DDX60: variants seen among roughly 807,000 people sequenced by gnomAD.
DDX60 encodes probable ATP-dependent RNA helicase DDX60.
DDX60 carries 165 observed loss-of-function variants against 212.8 expected under a neutral mutation model. The ratio of observed to expected loss-of-function variants is 0.78; its 90% CI spans 0.68 to 0.88. DDX60 has a LOEUF of 0.88. DDX60 is among the 40% of genes least tolerant of loss of function. DDX60 has a pLI of 0.00. For missense variants in DDX60, 1,905 were observed against 2,003.9 expected, an observed-to-expected ratio of 0.95 and a Z score of 0.94; for synonymous variants, 703 against 685.3, an observed-to-expected ratio of 1.03 and a Z score of -0.40.
intron 30 of DDX60, among the ~76,000 whole-genome samples, chr4:168,239,746 T>C (rs765435269): frequency 5.9e-5 from 9 of 152,018 alleles, no homozygotes; most frequent in Non-Finnish European, 1.0e-4. Context: ...ATGAAGCAGG[T>C]AGCAGGCCAT....
At chr4:168,224,448 T>C in intron 34 of DDX60, 63 bp from the exon 35 acceptor site, 1 of 1,516,142 alleles carries the variant, frequency 6.6e-7, no homozygotes, top group Middle Eastern at 1.7e-4. Context: ...AAACCTCAGA[T>C]ACTTTCTCTA....
chr4:168,317,865 C>G (rs1737469056), intron 1 of DDX60, among the ~76,000 whole-genome samples: 1 of 152,144 alleles, frequency 6.6e-6, no homozygotes, highest in African/African-American at 2.4e-5. Flanking sequence ...CAACAGCCAG[C>G]AAGAAAGCAG....
chr4:168,242,318 T>G lies in DDX60; in HGVS notation c.4164+4100A>C, dbSNP rs535444973. Among the ~76,000 whole-genome samples, 6 of 152,174 alleles carry G rather than the reference T, an allele frequency of 3.9e-5. No homozygotes were observed. In the East Asian group the frequency reaches 1.2e-3, roughly 30 times the overall value. On this transcript the variant is annotated intron_variant, in intron 30 of 37. Coordinates refer to ENST00000393743, the MANE Select transcript of DDX60 (RefSeq NM_017631.6). ...AGCTGTGAGAAGAGGACCCCCACCC[T>G]CCAGACCCCAGAATGACACATCCAC...
intron 19 of DDX60, among the ~76,000 whole-genome samples, chr4:168,270,863 TTTTC>T (rs1434427927): frequency 0.02 from 2,987 of 147,262 alleles, 150 homozygotes; most frequent in African/African-American, 0.073. Context: ...TCCCCCTTTT[TTTTC>T]TTTCTTTCTT....
At chr4:168,304,914 C>T (rs1383550190) in intron 5 of DDX60, among the ~76,000 whole-genome samples, 1 of 152,086 alleles carries the variant, frequency 6.6e-6, no homozygotes, top group Non-Finnish European at 1.5e-5. Context: ...ACAGTAATGT[C>T]CTAAGCCTTC....
chr4:168,295,989 C>G (rs1040577614), intron 6 of DDX60, among the ~76,000 whole-genome samples: 2 of 152,112 alleles, frequency 1.3e-5, no homozygotes, highest in Non-Finnish European at 2.9e-5. Flanking sequence ...AGAAACTCTT[C>G]TCTTCAGAGG....
At chr4:168,298,947 G>A (rs926621674) in intron 6 of DDX60, among the ~76,000 whole-genome samples, 1 of 152,000 alleles carries the variant, frequency 6.6e-6, no homozygotes, top group Non-Finnish European at 1.5e-5. Flanking sequence ...CAGATCATGA[G>A]GTCAAGAGAT....
chr4:168,242,794 A>T lies in DDX60; in HGVS notation c.4164+3624T>A, dbSNP rs140267529. 9.6e-4 allele frequency among the ~76,000 whole-genome samples: 146 copies of T among 152,174 alleles called. 1 individual carries two copies. The East Asian group carries it at 0.027, about 28-fold the overall frequency. On this transcript the variant is annotated intron_variant, in intron 30 of 37. Transcript: ENST00000393743. ...TCTGGGAGACTGTTAGAAAGGCATG[A>T]TTGGTTTTGAAATGTGAGGATATGA...
At chr4:168,278,676 A>G (rs1160548429) in intron 14 of DDX60, among the ~76,000 whole-genome samples, 1 of 152,162 alleles carries the variant, frequency 6.6e-6, no homozygotes, top group Non-Finnish European at 1.5e-5. Context: ...TAAAAATACA[A>G]AAATTAGCTG....
At chr4:168,314,421 C>G (rs1202769661) in intron 1 of DDX60, among the ~76,000 whole-genome samples, 1 of 151,900 alleles carries the variant, frequency 6.6e-6, no homozygotes, top group Admixed American at 6.6e-5. Context: ...GATGCAGAGA[C>G]AGAAAAGACC....
intron 15 of DDX60, 42 bp downstream of exon 15, chr4:168,275,973 A>C (rs1346667020): frequency 6.6e-7 from 1 of 1,524,866 alleles, no homozygotes; most frequent in East Asian, 2.3e-5. Context: ...ATGTATACCT[A>C]ATAATTACCC....
In DDX60 at chr4:168,306,547, T is replaced by A. The variant is rs1736886904; in HGVS notation, c.438A>T (p.Ala146=). 6.2e-7 allele frequency: 1 copy of A among 1,614,086 alleles called. No individual in the cohort carries two copies. Among genetic ancestry groups the A allele is most frequent in the African/African-American group, 1.3e-5 (1 of 74,950 alleles). The part of the protein sequence containing the change: ...EESYPYFLIV[A]DEGLNDLQTQ... ...TTTGTAGATCGTTCAGGCCTTCGTC[T>A]GCAACTATCAGGAAATATGGGTAAC... is the stretch of plus-strand genomic sequence containing the variant. The change falls in exon 5 of 38, where the codon GCA becomes GCT. Residue 146 remains alanine, a synonymous_variant. Coordinates refer to ENST00000393743, the MANE Select transcript of DDX60 (RefSeq NM_017631.6).
Position 168,237,435 on chromosome 4 carries a change from A to T in DDX60, c.4270-8T>A. ...TTCTTGATCTAAATAGCCCTAAAGA[A>T]CAAAAAACAATTTATTAGTTTGACT... On this transcript the variant is annotated splice_polypyrimidine_tract_variant and splice_region_variant and intron_variant, in intron 31 of 37. Coordinates refer to ENST00000393743, the MANE Select transcript of DDX60 (RefSeq NM_017631.6). 2.6e-6 allele frequency: 4 copies of T among 1,551,766 alleles called. No individual in the cohort carries two copies. The highest frequency in any genetic ancestry group is 3.5e-6 in the Non-Finnish European group (4 of 1,155,202).
In DDX60 at chr4:168,267,877, A is replaced by G; in HGVS notation, c.2893T>C (p.Tyr965His). The G allele has an allele frequency of 1.2e-6, 2 of 1,613,314 alleles. No homozygotes were observed. The highest frequency in any genetic ancestry group is 1.7e-6 in the Non-Finnish European group (2 of 1,179,570). The change falls in exon 21 of 38, where the codon TAC becomes CAC. Residue 965 changes from tyrosine (Y) to histidine (H), a missense_variant. Physicochemically the swap from Tyr to His is moderately conservative, Grantham distance 83. Transcript: ENST00000393743. ...VGRQAGFPKD[Y>H]LQVKQSYKVR... ...TTATACGATTGTTTTACTTGCAAGTAGTCTTTGGGAAAGCCGGCCTGACGA... is the reference window on the plus strand; with the variant it reads ...TTATACGATTGTTTTACTTGCAAGTGGTCTTTGGGAAAGCCGGCCTGACGA...
intron 30 of DDX60, among the ~76,000 whole-genome samples, chr4:168,241,269 G>GT (rs1733827145): frequency 6.6e-6 from 1 of 151,938 alleles, no homozygotes; most frequent in South Asian, 2.1e-4. Context: ...GACTAATACA[G>GT]TAAGTTGGTA....
chr4:168,236,087 A>G, intron 33 of DDX60, 165 bp downstream of exon 33: 1 of 556,256 alleles, frequency 1.8e-6, no homozygotes, highest in Non-Finnish European at 2.9e-6. Context: ...AGAGGGAGAC[A>G]TCAATTACAG....
Position 168,260,873 on chromosome 4 carries a change from T to C in DDX60, c.3390A>G (p.Leu1130=), listed in dbSNP as rs1734597163. ...KLRKMEKLPA[L]FFLFKLGAVE... is the part of the protein sequence containing the mutation. ...TAAATTAAATAACTTACAAAAAAAA[T>C]AGTGCAGGTAACTTCTCCATTTTCC... The change falls in exon 25 of 38, where the codon CTA becomes CTG. Residue 1130 remains leucine, a synonymous_variant. Transcript: ENST00000393743. 6.3e-7 allele frequency: 1 copy of C among 1,598,538 alleles called. No individual in the cohort carries two copies.
chr4:168,317,258 A>G (rs1292937624), intron 1 of DDX60, among the ~76,000 whole-genome samples: 3 of 151,974 alleles, frequency 2.0e-5, no homozygotes, highest in Non-Finnish European at 4.4e-5. Context: ...ACAAACAATC[A>G]TAAGACCACA....
At chr4:168,261,848 T>C (rs923861462) in intron 24 of DDX60, 152 bp downstream of exon 24, 5 of 888,190 alleles carry the variant, frequency 5.6e-6, no homozygotes, top group Middle Eastern at 3.5e-4. Context: ...TCTCTTTTTA[T>C]TCTATCTCAG....
Sources: allele counts gnomAD v4.1 joint callset (sites outside exome capture counted in the v4.1 genomes callset), GRCh38; gene constraint gnomAD v4.1.1; transcripts MANE v1.5; gene names NCBI Gene and HGNC (gene_info 2026-07-23, HGNC 2026-07-21).